FBXO34: variants seen among roughly 807,000 people sequenced by gnomAD.
FBXO34 encodes F-box protein 34.
Under a neutral mutation model 24.5 loss-of-function variants are expected in FBXO34, and 12 were observed. That is an observed-to-expected ratio of 0.49 (90% confidence interval 0.31 to 0.79). The LOEUF (loss-of-function observed/expected upper bound fraction) is 0.79. FBXO34 is among the 30% of genes least tolerant of loss of function. FBXO34 has a pLI of 0.04. For synonymous variants in FBXO34, 320 were observed against 311.9 expected, an observed-to-expected ratio of 1.03 and a Z score of -0.27; for missense variants, 823 against 857.7, an observed-to-expected ratio of 0.96 and a Z score of 0.51.
At chr14:55,411,840 G>A in the FBXO34 span, 3 of 1,566,400 alleles carry the variant, frequency 1.9e-6, no homozygotes, top group African/African-American at 4.0e-5. Context: ...TGAGAGGAGA[G>A]CCAGTCACGT....
intron 1 of FBXO34, among the ~76,000 whole-genome samples, chr14:55,321,422 T>G (rs1214888671): frequency 6.6e-6 from 1 of 152,084 alleles, no homozygotes; most frequent in Non-Finnish European, 1.5e-5. Context: ...TTTTTTTTTT[T>G]TGGAGACAGG....
At chr14:55,362,180 T>C (rs1000802903), downstream of FBXO34, among the ~76,000 whole-genome samples, 2 of 152,156 alleles carry the variant, frequency 1.3e-5, no homozygotes, top group Non-Finnish European at 2.9e-5. Flanking sequence ...TTCAATATTG[T>C]TGTGTCTCAG....
At chr14:55,411,452 C>G in the FBXO34 span, 1 of 792,496 alleles carries the variant, frequency 1.3e-6, no homozygotes, top group South Asian at 1.8e-5. Flanking sequence ...TAGCAAAGCT[C>G]CGGTGCAGAG....
intron 1 of FBXO34, among the ~76,000 whole-genome samples, chr14:55,308,716 A>C (rs1344626573): frequency 6.6e-6 from 1 of 152,242 alleles, no homozygotes; most frequent in Non-Finnish European, 1.5e-5. Flanking sequence ...CAATATCATC[A>C]AATTCCTCCT....
At chr14:55,284,286 C>T (rs1365848695) in intron 1 of FBXO34, among the ~76,000 whole-genome samples, 1 of 152,078 alleles carries the variant, frequency 6.6e-6, no homozygotes, top group Non-Finnish European at 1.5e-5. Flanking sequence ...GGCTGATGCT[C>T]ATAGATCACC....
chr14:55,314,668 G>T (rs915202911), intron 1 of FBXO34, among the ~76,000 whole-genome samples: 5 of 152,098 alleles, frequency 3.3e-5, no homozygotes, highest in African/African-American at 7.2e-5. Context: ...AATTTTTGTT[G>T]TAGAAAAATT....
chr14:55,310,920 A>G (rs941652903), intron 1 of FBXO34, among the ~76,000 whole-genome samples: 6 of 152,056 alleles, frequency 3.9e-5, no homozygotes, highest in Admixed American at 6.5e-5. Context: ...TTCTAGCTAC[A>G]TAAGAGTCAA....
chr14:55,336,863 T>C (rs1247066477), intron 1 of FBXO34, among the ~76,000 whole-genome samples: 1 of 145,720 alleles, frequency 6.9e-6, no homozygotes, highest in Non-Finnish European at 1.5e-5. Context: ...AATATATACA[T>C]GCACGCACAC....
At chr14:55,393,233 A>C in the FBXO34 span, among the ~76,000 whole-genome samples, 1 of 151,802 alleles carries the variant, frequency 6.6e-6, no homozygotes, top group African/African-American at 2.4e-5. Context: ...AACACAAAAA[A>C]ACTTAGCCGG....
downstream of FBXO34, among the ~76,000 whole-genome samples, chr14:55,373,285 A>C (rs1884857139): frequency 6.6e-6 from 1 of 152,158 alleles, no homozygotes; most frequent in African/African-American, 2.4e-5. Context: ...TCTACCAATT[A>C]AGGCAACAAA....
intron 1 of FBXO34, among the ~76,000 whole-genome samples, chr14:55,333,683 T>A (rs1173562769): frequency 6.7e-6 from 1 of 149,846 alleles, no homozygotes; most frequent in East Asian, 1.9e-4. Context: ...GTAGGAGTCT[T>A]TTTTATCAGG....
the FBXO34 span, among the ~76,000 whole-genome samples, chr14:55,399,436 C>CCAGT: frequency 6.6e-6 from 1 of 152,148 alleles, no homozygotes. Context: ...ACAGCATGAA[C>CCAGT]CAGTATTAGA....
downstream of FBXO34, chr14:55,369,966 T>C (rs746346852): frequency 6.5e-7 from 1 of 1,526,786 alleles, no homozygotes; most frequent in Admixed American, 2.0e-5. Context: ...ATAACAACCA[T>C]TCTCAACACC....
chr14:55,358,022 C>G (rs1337013154), downstream of FBXO34, among the ~76,000 whole-genome samples: 1 of 151,666 alleles, frequency 6.6e-6, no homozygotes, highest in Non-Finnish European at 1.5e-5. Flanking sequence ...GCCTGGCCCA[C>G]CCACCCTTCC....
intron 1 of FBXO34, among the ~76,000 whole-genome samples, chr14:55,300,519 C>T (rs1197997672): frequency 1.3e-5 from 2 of 152,172 alleles, no homozygotes; most frequent in Non-Finnish European, 2.9e-5. Context: ...CACTTGAATC[C>T]GGGAGGCGGA....
intron 1 of FBXO34, among the ~76,000 whole-genome samples, chr14:55,281,728 G>C (rs1483355126): frequency 6.6e-6 from 1 of 152,100 alleles, no homozygotes; most frequent in African/African-American, 2.4e-5. Flanking sequence ...AAATTTCTAT[G>C]GTGTATATTG....
chr14:55,411,916 A>ATCC, the FBXO34 span: 913 of 1,236,436 alleles, frequency 7.4e-4, 3 homozygotes, highest in Non-Finnish European at 9.4e-4. Context: ...GGGGGCTGGG[A>ATCC]TGCCGGCGAG....
At chr14:55,400,829 G>A in the FBXO34 span, among the ~76,000 whole-genome samples, 77 of 152,006 alleles carry the variant, frequency 5.1e-4, no homozygotes, top group African/African-American at 1.7e-3. Context: ...GCTTGAACCC[G>A]GGAAGCGGAG....
In FBXO34 at chr14:55,351,821, A is replaced by G. The variant is rs201229027; in HGVS notation, c.1431A>G (p.Pro477=). The stretch of plus-strand genomic sequence containing the variant: ...CCATTTTAAACTCCTGTGAAGACCC[A>G]GTTCCAGGGATGTTGTTTTTTTTGC... The part of the protein sequence containing the change: ...QPSILNSCED[P]VPGMLFFLPP... The change falls in exon 2 of 2, where the codon CCA becomes CCG. Residue 477 remains proline, a synonymous_variant. Coordinates refer to ENST00000313833, the MANE Select transcript of FBXO34 (RefSeq NM_017943.4). The G allele has an allele frequency of 2.5e-5, 41 of 1,614,196 alleles. No homozygotes were observed. The highest frequency in any genetic ancestry group is 3.2e-5 in the Non-Finnish European group (38 of 1,180,034).
Sources: gnomAD v4.1 joint callset for allele counts (sites outside exome capture counted in the v4.1 genomes callset) on GRCh38, gnomAD v4.1.1 for gene constraint, MANE v1.5 for transcripts, NCBI Gene and HGNC (gene_info 2026-07-23, HGNC 2026-07-21) for gene names.